Variants in GOLGA3 observed in about 807,000 individuals in gnomAD.
GOLGA3 encodes the protein golgin A3.
A neutral mutation model predicts 169.4 loss-of-function variants in GOLGA3; 75 were observed. The ratio of observed to expected loss-of-function variants is 0.44; its 90% confidence interval spans 0.37 to 0.54. The LOEUF is 0.54. Ranked by LOEUF, GOLGA3 falls within the 20% of genes least tolerant of loss-of-function variation. The pLI is 0.00. For synonymous variants in GOLGA3, 824 were observed against 822.4 expected (o/e 1.00, Z -0.03); for missense variants, 1,899 against 1,930.0 (o/e 0.98, Z 0.30).
chr12:132,780,547 C>T (rs2045542700), intron 18 of GOLGA3, among the ~76,000 whole-genome samples: 1 of 152,264 alleles, frequency 6.6e-6, no homozygotes. Flanking sequence ...ACACCACTCC[C>T]AGCACAATAT....
chr12:132,788,786 A>T (rs2046061191), intron 13 of GOLGA3, among the ~76,000 whole-genome samples: 5 of 151,984 alleles, frequency 3.3e-5, no homozygotes, highest in Admixed American at 3.3e-4. Context: ...ATGCACCATC[A>T]CCACCTGGAC....
intron 9 of GOLGA3, 136 bp downstream of exon 9, chr12:132,798,204 C>T (rs1337106606): frequency 1.0e-5 from 7 of 689,066 alleles, no homozygotes; most frequent in African/African-American, 5.7e-5. Context: ...AAAGCCTTAA[C>T]GAGCAGTCAC....
At position 132,822,032 on chromosome 12, in the gene GOLGA3, G is replaced by A. The variant is rs1950243866; in HGVS notation, c.97C>T (p.Pro33Ser). Residue 33 changes from proline (P) to serine (S), a missense_variant, in exon 2 of 24, where the codon CCA becomes TCA. Transcript: ENST00000450791. ...TCCTGCTGGTCAGGTGGCACCAGTG[G>A]GCCCGGGGGCTTCAGTGGGGCCTCG... ...LPEAPLKPPG[P>S]LVPPDQQDKV... The A allele has an allele frequency of 6.2e-7, 1 of 1,609,424 alleles. No homozygotes were observed. Among genetic ancestry groups the A allele is most frequent in the African/African-American group, 1.3e-5 (1 of 74,576 alleles).
chr12:132,803,371 G>A (rs1372810781), intron 7 of GOLGA3, among the ~76,000 whole-genome samples: 2 of 152,172 alleles, frequency 1.3e-5, no homozygotes, highest in African/African-American at 4.8e-5. Context: ...CATGGACGCC[G>A]AGGCTCTGTC....
rs7299219 is a variant in GOLGA3 at position 132,808,223 on chromosome 12, G to A, written c.846C>T (p.Ser282=). ...GGGACAGGCTGATCTCAGACACAACGGACGCCGCACTGCTTCTGTTCTGCT... is the reference window on the plus strand; with the variant it reads ...GGGACAGGCTGATCTCAGACACAACAGACGCCGCACTGCTTCTGTTCTGCT... The part of the protein sequence containing the change: ...SLKQNRSSAA[S]VVSEISLSPD... Residue 282 remains serine, a synonymous_variant, in exon 5 of 24, where the codon TCC becomes TCT. Coordinates refer to ENST00000450791, the MANE Select transcript of GOLGA3 (RefSeq NM_001389683.1). 5.9e-4 allele frequency: 952 copies of A among 1,613,864 alleles called. 3 individuals carry two copies. The African/African-American group carries it at 9.4e-3, about 16-fold the overall frequency.
At chr12:132,810,054 G>A (rs1330993778) in intron 4 of GOLGA3, among the ~76,000 whole-genome samples, 1 of 152,074 alleles carries the variant, frequency 6.6e-6, no homozygotes, top group Non-Finnish European at 1.5e-5. Flanking sequence ...AGACCAGGCT[G>A]GCCAACATGT....
chr12:132,778,787 G>A (rs1420171583), intron 18 of GOLGA3, among the ~76,000 whole-genome samples: 2 of 151,052 alleles, frequency 1.3e-5, no homozygotes, highest in African/African-American at 4.9e-5. Flanking sequence ...TCCAGCTACT[G>A]GGGAGGCTGA....
rs753081666 is a variant in GOLGA3 at position 132,822,154 on chromosome 12, A to G, written c.-26T>C. On this transcript the variant is annotated 5_prime_UTR_variant, in exon 2 of 24. Coordinates refer to ENST00000450791, the MANE Select transcript of GOLGA3 (RefSeq NM_001389683.1). The stretch of plus-strand genomic sequence containing the variant: ...GGTCAGGACGACACCAGCTGAGCTG[A>G]CGCTGAGGGGCTACAAGTGAACCTT... 1.3e-6 allele frequency: 2 copies of G among 1,586,750 alleles called. No individual in the cohort carries two copies. The highest frequency in any genetic ancestry group is 1.7e-6 in the Non-Finnish European group (2 of 1,170,540).
At chr12:132,829,007 G>C (rs956041283), upstream of GOLGA3, 1 of 152,344 alleles carries the variant, frequency 6.6e-6, no homozygotes, top group Non-Finnish European at 1.5e-5. Context: ...ACAGGGTCCG[G>C]ATCGAGCTCA....
intron 2 of GOLGA3, among the ~76,000 whole-genome samples, chr12:132,821,228 G>A (rs1029973105): frequency 1.3e-5 from 2 of 150,828 alleles, no homozygotes; most frequent in East Asian, 1.9e-4. Context: ...CCAACATGGA[G>A]AAACCTCATC....
chr12:132,784,743 AC>A (rs1593255631), intron 15 of GOLGA3, among the ~76,000 whole-genome samples: 2 of 147,178 alleles, frequency 1.4e-5, no homozygotes, highest in Non-Finnish European at 3.0e-5. Flanking sequence ...CCCCACACGC[AC>A]ATGCTCACAC....
intron 2 of GOLGA3, among the ~76,000 whole-genome samples, chr12:132,821,331 C>T (rs1009785588): frequency 6.6e-5 from 10 of 151,668 alleles, no homozygotes; most frequent in East Asian, 1.9e-4. Context: ...TGCTTGAACC[C>T]GGGAAGTGGA....
At position 132,822,038 on chromosome 12, in the gene GOLGA3, G is replaced by C. The variant is rs376068160; in HGVS notation, c.91C>G (p.Pro31Ala). The C allele has an allele frequency of 2.2e-5, 35 of 1,609,010 alleles. No homozygotes were observed. Among genetic ancestry groups the C allele is most frequent in the Non-Finnish European group, 2.6e-5 (31 of 1,178,218 alleles). The stretch of plus-strand genomic sequence containing the variant: ...TGGTCAGGTGGCACCAGTGGGCCCG[G>C]GGGCTTCAGTGGGGCCTCGGGGAGA... ...SSLPEAPLKP[P>A]GPLVPPDQQD... Residue 31 changes from proline to alanine, a missense_variant, in exon 2 of 24, where the codon CCG becomes GCG. Pro to Ala is a conservative substitution (Grantham distance 27). Transcript: ENST00000450791.
chr12:132,771,847 TCTCCTC>T lies in GOLGA3; in HGVS notation c.*1252_*1257del, dbSNP rs63011561. On this transcript the variant is annotated 3_prime_UTR_variant, in exon 24 of 24. Coordinates refer to ENST00000450791, the MANE Select transcript of GOLGA3 (RefSeq NM_001389683.1). The stretch of plus-strand genomic sequence containing the variant: ...TCGCTGCAGGGAGCCCCTGGTCTGC[TCTCCTC>T]CTCCTCCTCCACCGGCCTCTCCCTG... 27,226 of 152,512 alleles carry T rather than the reference TCTCCTC, an allele frequency of 0.18. 3,081 individuals are homozygous for T. The highest frequency in any genetic ancestry group is 0.26 in the Non-Finnish European group (17,770 of 68,234). The allele number at this position is 152,512 out of a possible 1,614,324, so 9.4% of individuals were successfully genotyped here.
chr12:132,799,052 T>A (rs2136500089), intron 8 of GOLGA3, among the ~76,000 whole-genome samples: 1 of 152,296 alleles, frequency 6.6e-6, no homozygotes, highest in Admixed American at 6.5e-5. Context: ...AAAGGAGGTG[T>A]GAGGACAGCC....
rs757639099 is a variant in GOLGA3 at position 132,825,207 on chromosome 12, A to G, written c.-183-2896T>C. ...ACCGACCGTGTGTGCCTACGCGTGC[A>G]GACCCTCCTGGCCCCTCAGGTAAAG... is the stretch of plus-strand genomic sequence containing the variant. On this transcript the variant is annotated intron_variant, in intron 1 of 23. Transcript: ENST00000450791. Among the ~76,000 whole-genome samples, 18 of 152,008 alleles carry G rather than the reference A, an allele frequency of 1.2e-4. No individual in the cohort carries two copies. The South Asian group carries it at 1.2e-3, about 11-fold the overall frequency.
At chr12:132,782,189 G>A in intron 17 of GOLGA3, 107 bp downstream of exon 17, 1 of 1,052,578 alleles carries the variant, frequency 9.5e-7, no homozygotes, top group Middle Eastern at 3.0e-4. Context: ...AGGCCGGGTG[G>A]GCTAGGAGTC....
At chr12:132,825,910 G>A (rs1163028449) in intron 1 of GOLGA3, 1 of 967,284 alleles carries the variant, frequency 1.0e-6, no homozygotes, top group African/African-American at 1.6e-5. Context: ...CCATTCGAGG[G>A]CGGATCCTCT....
intron 1 of GOLGA3, among the ~76,000 whole-genome samples, chr12:132,825,541 CA>C (rs1350612287): frequency 3.9e-5 from 6 of 152,304 alleles, no homozygotes; most frequent in African/African-American, 1.4e-4. Context: ...GGTTCCAAAA[CA>C]AAATGATTAA....
Sources: gnomAD v4.1 joint callset for allele counts (sites outside exome capture counted in the v4.1 genomes callset) on GRCh38, gnomAD v4.1.1 for gene constraint, MANE v1.5 for transcripts, NCBI Gene and HGNC (gene_info 2026-07-23, HGNC 2026-07-21) for gene names.